GDPD5: variants seen among roughly 807,000 people sequenced by gnomAD.
GDPD5 encodes the protein glycerophosphodiester phosphodiesterase domain containing 5.
GDPD5 carries 48 observed loss-of-function variants against 75.1 expected under a neutral mutation model. The ratio of observed to expected loss-of-function variants is 0.64; its 90% CI spans 0.51 to 0.81. The LOEUF is 0.81. GDPD5 is among the 40% of genes least tolerant of loss of function. The probability of loss-of-function intolerance (pLI) is 0.00; values close to 1 mark genes in which losing one functional copy is unlikely to be tolerated. For synonymous variants in GDPD5, 336 were observed against 339.0 expected (o/e 0.99, Z 0.10); for missense variants, 706 against 822.6 (o/e 0.86, Z 1.73).
intron 1 of GDPD5, among the ~76,000 whole-genome samples, chr11:75,520,978 G>C (rs1243920631): frequency 6.6e-6 from 1 of 152,228 alleles, no homozygotes; most frequent in Admixed American, 6.5e-5. Context: ...CAGCCTGCTG[G>C]CCCAGACAGT....
Position 75,441,737 on chromosome 11 carries a change from A to G in GDPD5, c.1234T>C (p.Ser412Pro), listed in dbSNP as rs2135155555. The G allele has an allele frequency of 6.2e-7, 1 of 1,611,652 alleles. No homozygotes were observed. The highest frequency in any genetic ancestry group is 2.2e-5 in the East Asian group (1 of 44,856). The stretch of plus-strand genomic sequence containing the variant: ...CTGGCGACTGCCTCCTTGGAGCCTG[A>G]TGTCTGTTGGAAGCCGGGAGCCACC... ...RKVAPGFQQT[S>P]GSKEAVASLR... The change falls in exon 13 of 17, where the codon TCA (serine) becomes CCA (proline). Residue 412 changes from serine to proline, a missense_variant. Ser to Pro is a moderately conservative substitution (Grantham distance 74, BLOSUM62 -1). Transcript: ENST00000336898.
At position 75,450,914 on chromosome 11, in the gene GDPD5, T is replaced by C. The variant is rs1479141263; in HGVS notation, c.376-931A>G. 2.0e-5 allele frequency: 3 copies of C among 152,382 alleles called. No individual in the cohort carries two copies. The East Asian group carries it at 5.8e-4, about 30-fold the overall frequency. The allele number at this position is 152,382 out of a possible 1,614,324, so 9.4% of individuals were successfully genotyped here. ...AAGCCGCCACCTCCGTCCCCCTAGT[T>C]TCTCCAGACTCGTCTCCCATCTCCC... is the stretch of plus-strand genomic sequence containing the variant. On this transcript the variant is annotated intron_variant, in intron 6 of 16. Transcript: ENST00000336898.
Position 75,449,546 on chromosome 11 carries a change from GCC to G in GDPD5, c.537_538del (p.Ala180ArgfsTer82), listed in dbSNP as rs1949078936. 1 of 1,586,386 alleles carries G rather than the reference GCC, an allele frequency of 6.3e-7. No homozygotes were observed. Among genetic ancestry groups the G allele is most frequent in the Non-Finnish European group, 8.6e-7 (1 of 1,166,776 alleles). On this transcript the variant is annotated frameshift_variant, in exon 8 of 17. Coordinates refer to ENST00000336898, the MANE Select transcript of GDPD5 (RefSeq NM_030792.8). LOFTEE classifies it high-confidence loss of function. ...CCGCTCTGCGCGGGCGAACTGTCCTGCCACGATCCAGGAGAGCATGGTGACTG... is the reference window on the plus strand; with the variant it reads ...CCGCTCTGCGCGGGCGAACTGTCCTGACGATCCAGGAGAGCATGGTGACTG...
At chr11:75,499,821 G>C (rs12289207) in intron 1 of GDPD5, among the ~76,000 whole-genome samples, 1 of 152,132 alleles carries the variant, frequency 6.6e-6, no homozygotes, top group Non-Finnish European at 1.5e-5. Context: ...CAGTGTCTAC[G>C]AAACAGCTTT....
intron 6 of GDPD5, among the ~76,000 whole-genome samples, chr11:75,453,251 A>C (rs1592080182): frequency 6.6e-6 from 1 of 151,936 alleles, no homozygotes. Context: ...GCTCCCTCTC[A>C]CCCTGTCCTG....
rs542466884 is a variant in GDPD5 at position 75,442,964 on chromosome 11, G to A, written c.948+172C>T. On this transcript the variant is annotated intron_variant, in intron 11 of 16. Transcript: ENST00000336898. ...ACCCAGAACAAGCAGTGACAACCAT[G>A]AGTCTGGCAGCAGTGGCAGGAGCCT... The A allele has an allele frequency of 9.8e-6, 7 of 716,088 alleles. No individual in the cohort carries two copies. The South Asian group carries it at 1.0e-4, about 10-fold the overall frequency. The allele number at this position is 716,088 out of a possible 1,614,324, so 44.4% of individuals were successfully genotyped here.
intron 15 of GDPD5, chr11:75,438,557 G>T (rs1220970998): frequency 6.6e-6 from 1 of 152,298 alleles, no homozygotes; most frequent in Non-Finnish European, 1.5e-5. Flanking sequence ...ATGACTCAAG[G>T]AATGTCCCAT....
chr11:75,473,864 G>T (rs1255640792), intron 3 of GDPD5, among the ~76,000 whole-genome samples: 1 of 152,200 alleles, frequency 6.6e-6, no homozygotes, highest in Admixed American at 6.5e-5. Flanking sequence ...TGCCCCCAGG[G>T]TTTCCCCAGG....
At chr11:75,465,169 G>A (rs967085418) in intron 3 of GDPD5, among the ~76,000 whole-genome samples, 2 of 152,190 alleles carry the variant, frequency 1.3e-5, no homozygotes, top group African/African-American at 4.8e-5. Context: ...CCACTGGCAA[G>A]AGCTTCTCAG....
intron 4 of GDPD5, among the ~76,000 whole-genome samples, chr11:75,460,596 C>T (rs918956021): frequency 6.6e-6 from 1 of 152,070 alleles, no homozygotes; most frequent in Non-Finnish European, 1.5e-5. Flanking sequence ...AGGCATATGC[C>T]ACCACACCTG....
intron 3 of GDPD5, among the ~76,000 whole-genome samples, chr11:75,465,082 A>G (rs1949488593): frequency 6.6e-6 from 1 of 152,114 alleles, no homozygotes. Flanking sequence ...CAGCTTAAAC[A>G]TCTGAGTCTC....
Position 75,437,012 on chromosome 11 carries a change from C to T in GDPD5, c.1593G>A (p.Glu531=), listed in dbSNP as rs562241573. Residue 531 remains glutamate (E), a synonymous_variant, in exon 16 of 17, where the codon GAG becomes GAA. Coordinates refer to ENST00000336898, the MANE Select transcript of GDPD5 (RefSeq NM_030792.8). The stretch of plus-strand genomic sequence containing the variant: ...GCACCGCAGCACTCAGCATGATCTG[C>T]TCAGGGTTGTAGCTCCGTATGCCAC... ...RLGGIRSYNP[E]QIMLSAAVRR... 5.0e-6 allele frequency: 8 copies of T among 1,613,504 alleles called. No homozygotes were observed. In the South Asian group the frequency reaches 6.6e-5, roughly 13 times the overall value.
intron 1 of GDPD5, among the ~76,000 whole-genome samples, chr11:75,523,686 G>A (rs200036270): frequency 7.1e-6 from 1 of 140,518 alleles, no homozygotes; most frequent in Non-Finnish European, 1.6e-5. Flanking sequence ...GAGATCACAG[G>A]TGTGAAATTA....
intron 3 of GDPD5, among the ~76,000 whole-genome samples, chr11:75,477,130 A>T (rs1949796009): frequency 6.6e-6 from 1 of 152,208 alleles, no homozygotes; most frequent in Non-Finnish European, 1.5e-5. Context: ...CCCAGCACTG[A>T]AGGAGGCTTT....
intron 1 of GDPD5, among the ~76,000 whole-genome samples, chr11:75,500,319 T>C (rs1453516854): frequency 2.0e-5 from 3 of 152,164 alleles, no homozygotes; most frequent in Non-Finnish European, 4.4e-5. Flanking sequence ...TTCTGAGAGT[T>C]GTCTGCACCC....
intron 1 of GDPD5, among the ~76,000 whole-genome samples, chr11:75,507,998 T>G (rs1387052347): frequency 6.6e-6 from 1 of 151,956 alleles, no homozygotes; most frequent in East Asian, 1.9e-4. Context: ...ATTTTATAGA[T>G]TATTTCTCAT....
intron 1 of GDPD5, among the ~76,000 whole-genome samples, chr11:75,502,129 C>T (rs61897419): frequency 0.053 from 8,134 of 152,294 alleles, 320 homozygotes; most frequent in East Asian, 0.13. Flanking sequence ...AAACCCTACA[C>T]GCAAAACTTT....
intron 1 of GDPD5, among the ~76,000 whole-genome samples, chr11:75,524,392 C>T (rs613225): frequency 0.44 from 67,439 of 152,116 alleles, 17,222 homozygotes; most frequent in Middle Eastern, 0.61. Flanking sequence ...GAGGAGTGTG[C>T]ATACCTTGAA....
At chr11:75,501,743 G>A (rs569458953) in intron 1 of GDPD5, among the ~76,000 whole-genome samples, 2 of 152,266 alleles carry the variant, frequency 1.3e-5, no homozygotes, top group South Asian at 4.1e-4. Flanking sequence ...ACAGGGCTGG[G>A]GGCAGAGGAG....
Sources: allele counts gnomAD v4.1 joint callset (sites outside exome capture counted in the v4.1 genomes callset), GRCh38; gene constraint gnomAD v4.1.1; transcripts MANE v1.5; gene names NCBI Gene and HGNC (gene_info 2026-07-23, HGNC 2026-07-21).